CDKAL1: variants seen among roughly 807,000 people sequenced by gnomAD.
CDKAL1 encodes CDKAL1 threonylcarbamoyladenosine tRNA methylthiotransferase, also known as threonylcarbamoyladenosine tRNA methylthiotransferase.
In CDKAL1, 32 loss-of-function variants were observed where a neutral mutation model predicts 68.2. The ratio of observed to expected loss-of-function variants is 0.47; its 90% confidence interval spans 0.35 to 0.63. The LOEUF (loss-of-function observed/expected upper bound fraction) is 0.63. CDKAL1 is among the 30% of genes least tolerant of loss of function. The pLI is 0.00. For missense variants in CDKAL1, 606 were observed against 696.7 expected (o/e 0.87, Z 1.47); for synonymous variants, 234 against 244.3 (o/e 0.96, Z 0.39).
At chr6:20,652,064 A>G (rs762570661) in intron 5 of CDKAL1, among the ~76,000 whole-genome samples, 28 of 152,312 alleles carry the variant, frequency 1.8e-4, no homozygotes, top group African/African-American at 5.5e-4. Context: ...TGCTGGCCTC[A>G]TAAAATGAGT....
rs575521027 is a variant in CDKAL1 at position 20,648,118 on chromosome 6, T to C, written c.287-1175T>C. ...TTTTTTTGCCATGTTTATAATAAAA[T>C]ACTGGGGGAATTTTTTTTTTTTTTT... On this transcript the variant is annotated intron_variant, in intron 4 of 15. Coordinates refer to ENST00000274695, the MANE Select transcript of CDKAL1 (RefSeq NM_017774.3). Among the ~76,000 whole-genome samples the C allele has an allele frequency of 4.3e-4, 64 of 147,944 alleles. 2 individuals are homozygous for C. Among genetic ancestry groups the C allele is most frequent in the Non-Finnish European group, 5.4e-4 (36 of 66,788 alleles).
At chr6:21,125,074 A>G (rs1278074307) in intron 13 of CDKAL1, among the ~76,000 whole-genome samples, 3 of 152,040 alleles carry the variant, frequency 2.0e-5, no homozygotes, top group African/African-American at 7.2e-5. Flanking sequence ...CCAATATGAT[A>G]TTGTTTGGCT....
At chr6:20,943,328 CAA>C (rs34759060) in intron 9 of CDKAL1, among the ~76,000 whole-genome samples, 16 of 51,006 alleles carry the variant, frequency 3.1e-4, no homozygotes, top group Non-Finnish European at 5.0e-4. Context: ...CTTGTTTTTT[CAA>C]AAAAAAAAAA....
intron 10 of CDKAL1, among the ~76,000 whole-genome samples, chr6:20,995,323 G>A (rs1023195818): frequency 2.0e-5 from 3 of 152,160 alleles, no homozygotes; most frequent in Non-Finnish European, 4.4e-5. Context: ...GGAATGACGA[G>A]TCCTTTCCAG....
intron 9 of CDKAL1, among the ~76,000 whole-genome samples, chr6:20,914,207 A>G (rs1335608701): frequency 6.6e-6 from 1 of 151,832 alleles, no homozygotes; most frequent in Non-Finnish European, 1.5e-5. Context: ...GGAGTGTGGC[A>G]TGAACCTGGG....
rs892257285 is a variant in CDKAL1 at position 20,860,931 on chromosome 6, C to T, written c.742+14753C>T. 4.7e-3 allele frequency among the ~76,000 whole-genome samples: 440 copies of T among 94,312 alleles called. 2 individuals are homozygous for T. The highest frequency in any genetic ancestry group is 0.016 in the Admixed American group (99 of 6,338). 61.9% of individuals were successfully genotyped at this position (94,312 alleles called of 152,430 possible). A position where few individuals can be genotyped will look rare whatever the true frequency, so the allele number is the denominator to read the frequency against. On this transcript the variant is annotated intron_variant, in intron 9 of 15. Coordinates refer to ENST00000274695, the MANE Select transcript of CDKAL1 (RefSeq NM_017774.3). ...TTAGAAACATTCTGCGTAGTGTGGTCTATTTTTTTTTTTTTTTTTTTTAGA... is the reference window on the plus strand; with the variant it reads ...TTAGAAACATTCTGCGTAGTGTGGTTTATTTTTTTTTTTTTTTTTTTTAGA...
intron 9 of CDKAL1, among the ~76,000 whole-genome samples, chr6:20,917,874 A>T (rs913775810): frequency 7.2e-5 from 11 of 152,166 alleles, no homozygotes; most frequent in African/African-American, 2.7e-4. Context: ...CCTTTGTGGG[A>T]TGATTAAGTC....
At chr6:20,565,365 C>T (rs1443578094) in intron 4 of CDKAL1, among the ~76,000 whole-genome samples, 1 of 151,992 alleles carries the variant, frequency 6.6e-6, no homozygotes, top group East Asian at 1.9e-4. Flanking sequence ...GTTTTTATTT[C>T]TCTCTGAAAA....
chr6:20,691,281 T>C (rs1019344906), intron 5 of CDKAL1, among the ~76,000 whole-genome samples: 2 of 149,244 alleles, frequency 1.3e-5, no homozygotes, highest in Non-Finnish European at 1.5e-5. Context: ...TGGGCATCTC[T>C]GGGCCGGCAG....
chr6:20,563,184 A>T (rs1300150277), intron 4 of CDKAL1, among the ~76,000 whole-genome samples: 1 of 152,250 alleles, frequency 6.6e-6, no homozygotes, highest in Non-Finnish European at 1.5e-5. Flanking sequence ...GTAACAAGTG[A>T]ATCAAAGATA....
rs1029320381 is a variant in CDKAL1, at chr6:21,215,676, A to G, written c.1548+14402A>G. ...TTAATGGAAGCTAAGGGACCTTGTC[A>G]TAGTCTTTTCTATGAGGAAATGTCA... On this transcript the variant is annotated intron_variant, in intron 15 of 15. Coordinates refer to ENST00000274695, the MANE Select transcript of CDKAL1 (RefSeq NM_017774.3). Among the ~76,000 whole-genome samples the G allele has an allele frequency of 1.4e-4, 22 of 152,142 alleles. 1 individual carries two copies. The highest frequency in any genetic ancestry group is 1.2e-3 in the Admixed American group (19 of 15,270).
At chr6:20,758,670 A>T (rs749895945) in intron 7 of CDKAL1, 27 bp downstream of exon 7, 2 of 1,570,566 alleles carry the variant, frequency 1.3e-6, no homozygotes, top group Non-Finnish European at 8.7e-7. Context: ...AGATAAACAG[A>T]TGTATATATT....
At chr6:20,620,409 G>A (rs1234284902) in intron 4 of CDKAL1, among the ~76,000 whole-genome samples, 3 of 152,148 alleles carry the variant, frequency 2.0e-5, no homozygotes, top group African/African-American at 7.2e-5. Context: ...TGCTGGATCT[G>A]CTCTTGTGAC....
chr6:20,751,664 G>C (rs978371549), intron 6 of CDKAL1, among the ~76,000 whole-genome samples: 1 of 152,122 alleles, frequency 6.6e-6, no homozygotes, highest in East Asian at 1.9e-4. Context: ...AAATATTTTT[G>C]TGGATTTCTT....
chr6:20,661,034 G>A (rs916813014), intron 5 of CDKAL1, among the ~76,000 whole-genome samples: 22 of 152,098 alleles, frequency 1.4e-4, no homozygotes, highest in African/African-American at 4.8e-4. Flanking sequence ...ACTTGATAGA[G>A]GATTTTGTAA....
chr6:21,108,056 T>C (rs1187572796), intron 12 of CDKAL1, among the ~76,000 whole-genome samples: 1 of 152,236 alleles, frequency 6.6e-6, no homozygotes, highest in African/African-American at 2.4e-5. Flanking sequence ...AAATCGGAAG[T>C]GCCCTGTGTA....
chr6:20,837,949 G>T (rs1268809486), intron 8 of CDKAL1, among the ~76,000 whole-genome samples: 1 of 146,032 alleles, frequency 6.8e-6, no homozygotes, highest in African/African-American at 2.6e-5. Context: ...GTGTGTGTGT[G>T]TGTGTGTGTG....
chr6:21,137,045 T>C (rs1775641834), intron 13 of CDKAL1, among the ~76,000 whole-genome samples: 1 of 151,848 alleles, frequency 6.6e-6, no homozygotes, highest in Non-Finnish European at 1.5e-5. Flanking sequence ...TACTAAAGTG[T>C]CCCACCCCAC....
intron 8 of CDKAL1, among the ~76,000 whole-genome samples, chr6:20,798,517 T>A (rs928487985): frequency 4.6e-5 from 7 of 152,074 alleles, no homozygotes; most frequent in Non-Finnish European, 7.4e-5. Flanking sequence ...CCAACCCAAA[T>A]GTCCATCAAT....
Sources: gnomAD v4.1 joint callset for allele counts (sites outside exome capture counted in the v4.1 genomes callset) on GRCh38, gnomAD v4.1.1 for gene constraint, MANE v1.5 for transcripts, NCBI Gene and HGNC (gene_info 2026-07-23, HGNC 2026-07-21) for gene names.